JCAD: variants seen among roughly 807,000 people sequenced by gnomAD.
The protein encoded by JCAD is junctional cadherin 5 associated.
Under a neutral mutation model 98.0 loss-of-function variants are expected in JCAD, and 40 were observed. The ratio of observed to expected loss-of-function variants is 0.41; its 90% confidence interval spans 0.32 to 0.53. The LOEUF is 0.53. JCAD is among the 20% of genes least tolerant of loss of function. The probability of loss-of-function intolerance (pLI) is 0.31; values close to 1 mark genes in which losing one functional copy is unlikely to be tolerated. For missense variants in JCAD, 1,705 were observed against 1,738.1 expected (o/e 0.98, Z 0.34); for synonymous variants, 691 against 682.3 (o/e 1.01, Z -0.20).
intron 1 of JCAD, among the ~76,000 whole-genome samples, chr10:30,107,592 C>T (rs943785952): frequency 6.6e-6 from 1 of 152,148 alleles, no homozygotes; most frequent in Non-Finnish European, 1.5e-5. Flanking sequence ...GTTGAGCAGC[C>T]GTCGCCACTG....
At chr10:30,062,373 T>G (rs1837713797), upstream of JCAD, among the ~76,000 whole-genome samples, 1 of 152,272 alleles carries the variant, frequency 6.6e-6, no homozygotes, top group South Asian at 2.1e-4. Flanking sequence ...TGCTCTAATG[T>G]TTTCCTGGCA....
chr10:30,017,658 A>C lies in JCAD; in HGVS notation c.*225T>G. On this transcript the variant is annotated 3_prime_UTR_variant, in exon 4 of 4. Transcript: ENST00000375377. The stretch of plus-strand genomic sequence containing the variant: ...TCCTAATTATAGGCATTAAATCTTC[A>C]TGCTATAAAAACAGATGGTTTCAAC... 1.7e-6 allele frequency: 1 copy of C among 601,590 alleles called. No homozygotes were observed. Among genetic ancestry groups the C allele is most frequent in the Non-Finnish European group, 2.9e-6 (1 of 343,152 alleles). 37.3% of individuals were successfully genotyped at this position (601,590 alleles called of 1,614,324 possible).
rs534325576 is a variant in JCAD at position 30,100,434 on chromosome 10, T to G, written n.128+14933A>C. Among the ~76,000 whole-genome samples, 4 of 152,294 alleles carry G rather than the reference T, an allele frequency of 2.6e-5. No individual in the cohort carries two copies. The East Asian group carries it at 7.7e-4, about 29-fold the overall frequency. ...TCTCACTCTGTCGCCCAGGCTGGAG[T>G]GCAGTGACGCGATCTCGGTTCACTG... On this transcript the variant is annotated intron_variant and non_coding_transcript_variant, in intron 1 of 2. Coordinates refer to the JCAD transcript ENST00000465712.
intron 1 of JCAD, among the ~76,000 whole-genome samples, chr10:30,096,643 C>G (rs1838373264): frequency 6.8e-6 from 1 of 147,318 alleles, no homozygotes; most frequent in African/African-American, 2.5e-5. Flanking sequence ...TTTTAATGAG[C>G]ATCTGTTTGT....
intron 2 of JCAD, among the ~76,000 whole-genome samples, chr10:30,030,072 G>A (rs1031420977): frequency 6.6e-6 from 1 of 152,192 alleles, no homozygotes; most frequent in Non-Finnish European, 1.5e-5. Context: ...CCAAGAAGGG[G>A]CAGCAGTGGG....
At chr10:30,044,781 T>C (rs1170874848) in intron 2 of JCAD, 4 of 981,360 alleles carry the variant, frequency 4.1e-6, no homozygotes, top group East Asian at 1.1e-4. Context: ...CCTTCATGCC[T>C]ACCTTTCTGT....
At chr10:30,074,668 G>A (rs1837951557) in intron 1 of JCAD, among the ~76,000 whole-genome samples, 1 of 152,242 alleles carries the variant, frequency 6.6e-6, no homozygotes, top group African/African-American at 2.4e-5. Context: ...CTCCTCAGAG[G>A]TGGGTAGTGG....
At chr10:30,047,363 C>T (rs192123987) in intron 2 of JCAD, among the ~76,000 whole-genome samples, 169 bp downstream of exon 2, 212 of 152,288 alleles carry the variant, frequency 1.4e-3, no homozygotes, top group African/African-American at 4.2e-3. Flanking sequence ...AGCAAGACTC[C>T]GTCTCAAAAA....
At chr10:30,063,056 C>T (rs1837725971), upstream of JCAD, among the ~76,000 whole-genome samples, 1 of 151,866 alleles carries the variant, frequency 6.6e-6, no homozygotes, top group Admixed American at 6.6e-5. Flanking sequence ...AGAAACAAGC[C>T]TAACCTCCTA....
intron 1 of JCAD, among the ~76,000 whole-genome samples, chr10:30,050,635 C>T (rs1319684442): frequency 2.6e-5 from 4 of 152,206 alleles, no homozygotes; most frequent in Non-Finnish European, 5.9e-5. Flanking sequence ...ATAACCCTCA[C>T]AAAACACAGA....
rs370934755 is a variant in JCAD at position 30,102,555 on chromosome 10, T to C, written n.128+12812A>G. On this transcript the variant is annotated intron_variant and non_coding_transcript_variant, in intron 1 of 2. Transcript: ENST00000465712. ...AGCAGATCTCTAGAACTTACTCATC[T>C]TGCAAAACTGAACATTTATACCTGT... Among the ~76,000 whole-genome samples the C allele has an allele frequency of 4.6e-5, 7 of 152,332 alleles. No homozygotes were observed. The East Asian group carries it at 1.3e-3, about 29-fold the overall frequency.
In JCAD at chr10:30,059,116, C is replaced by G. The variant is rs908239662; in HGVS notation, c.-60+366G>C. Among the ~76,000 whole-genome samples the G allele has an allele frequency of 6.6e-6, 1 of 151,862 alleles. No homozygotes were observed. The highest frequency in any genetic ancestry group is 2.4e-5 in the African/African-American group (1 of 41,374). ...CGACTTCGAGAGGGGAGTGAGTGAC[C>G]CCGGCCCCCCAGGCCCTCCGCGCGC... On this transcript the variant is annotated intron_variant, in intron 1 of 3. Transcript: ENST00000375377. This position sits in a 1 kb window ranked among gnomAD's most constrained non-coding sequence, Gnocchi z 5.0.
At chr10:30,063,447 C>T (rs923562051), upstream of JCAD, among the ~76,000 whole-genome samples, 2 of 152,180 alleles carry the variant, frequency 1.3e-5, no homozygotes, top group Non-Finnish European at 2.9e-5. Flanking sequence ...CTCTAACTTA[C>T]TGCCTGTTCA....
At chr10:30,044,154 T>A (rs1009832940) in intron 2 of JCAD, among the ~76,000 whole-genome samples, 8 of 152,160 alleles carry the variant, frequency 5.3e-5, no homozygotes, top group African/African-American at 1.7e-4. Context: ...TGACCCTGGA[T>A]TTCCCAGCCT....
chr10:30,049,012 CA>C (rs2132645551), intron 1 of JCAD, among the ~76,000 whole-genome samples: 1 of 152,310 alleles, frequency 6.6e-6, no homozygotes, highest in South Asian at 2.1e-4. Flanking sequence ...GTAAACTGCA[CA>C]AAACAAGAGT....
At chr10:30,089,563 G>GTGTGT (rs1838227160) in intron 1 of JCAD, among the ~76,000 whole-genome samples, 1 of 146,002 alleles carries the variant, frequency 6.8e-6, no homozygotes, top group African/African-American at 2.7e-5. Flanking sequence ...TGCTACTAAT[G>GTGTGT]GCTGTCAGGG....
intron 1 of JCAD, among the ~76,000 whole-genome samples, chr10:30,058,068 C>A (rs1432865903): frequency 1.3e-5 from 2 of 152,212 alleles, no homozygotes; most frequent in Admixed American, 1.3e-4. Context: ...ATGCAGACTG[C>A]CTTTTTTTGC....
At chr10:30,086,288 C>T (rs1023861577) in intron 1 of JCAD, among the ~76,000 whole-genome samples, 1 of 152,150 alleles carries the variant, frequency 6.6e-6, no homozygotes, top group African/African-American at 2.4e-5. Flanking sequence ...CCTTAGTGGA[C>T]AAATTTGTGT....
upstream of JCAD, among the ~76,000 whole-genome samples, chr10:30,061,946 G>A (rs1217248613): frequency 1.3e-5 from 2 of 152,152 alleles, no homozygotes; most frequent in Non-Finnish European, 2.9e-5. Context: ...ATTCCTGCTA[G>A]AACATTTATC....
Sources: allele counts gnomAD v4.1 joint callset (sites outside exome capture counted in the v4.1 genomes callset), GRCh38; gene constraint gnomAD v4.1.1; non-coding constraint Gnocchi (gnomAD v3.1); transcripts MANE v1.5; gene names NCBI Gene and HGNC (gene_info 2026-07-23, HGNC 2026-07-21).